DOCK2: variants seen among roughly 807,000 people sequenced by gnomAD.
DOCK2 encodes the protein dedicator of cytokinesis protein 2.
A neutral mutation model predicts 248.9 loss-of-function variants in DOCK2; 87 were observed. The ratio of observed to expected loss-of-function variants is 0.35; its 90% CI spans 0.29 to 0.42. The LOEUF is 0.42. Ranked by LOEUF, DOCK2 falls within the 10% of genes least tolerant of loss-of-function variation. The pLI is 1.00. For synonymous variants in DOCK2, 805 were observed against 821.6 expected (o/e 0.98, Z 0.35); for missense variants, 1,747 against 2,300.2 (o/e 0.76, Z 4.92).
intron 34 of DOCK2, among the ~76,000 whole-genome samples, chr5:170,029,320 G>A (rs547143123): frequency 6.6e-6 from 1 of 152,284 alleles, no homozygotes; most frequent in Admixed American, 6.5e-5. Context: ...GCATTTCCGC[G>A]ATGTGTAGAA....
At chr5:169,720,573 G>A (rs914422896) in intron 22 of DOCK2, among the ~76,000 whole-genome samples, 3 of 152,068 alleles carry the variant, frequency 2.0e-5, no homozygotes, top group African/African-American at 7.2e-5. Context: ...TAATCCTCAA[G>A]GGTTCTGAGC....
intron 27 of DOCK2, among the ~76,000 whole-genome samples, chr5:169,963,506 A>G (rs546039427): frequency 2.6e-5 from 4 of 151,992 alleles, no homozygotes; most frequent in African/African-American, 4.8e-5. Context: ...TCATTGTACA[A>G]TTGTGCATGT....
At chr5:169,906,159 C>T (rs190663951) in intron 27 of DOCK2, among the ~76,000 whole-genome samples, 5 of 152,264 alleles carry the variant, frequency 3.3e-5, no homozygotes, top group Non-Finnish European at 5.9e-5. Flanking sequence ...CCTCAATGAG[C>T]GATTACTACA....
chr5:169,883,471 A>G (rs1485750148), intron 27 of DOCK2: 7 of 1,551,504 alleles, frequency 4.5e-6, no homozygotes, highest in African/African-American at 1.4e-5. Flanking sequence ...AGAAGACACA[A>G]TGTCCTGTTC....
chr5:169,928,951 G>A (rs1775610975), intron 27 of DOCK2, among the ~76,000 whole-genome samples: 3 of 152,210 alleles, frequency 2.0e-5, no homozygotes, highest in South Asian at 4.1e-4. Flanking sequence ...TTATGCCAAA[G>A]CTTGCTTTGA....
intron 25 of DOCK2, among the ~76,000 whole-genome samples, chr5:169,780,079 C>T (rs1282109530): frequency 6.6e-6 from 1 of 152,146 alleles, no homozygotes; most frequent in Non-Finnish European, 1.5e-5. Flanking sequence ...TCATGTATTT[C>T]CCCTTCCACC....
intron 27 of DOCK2, among the ~76,000 whole-genome samples, chr5:169,846,106 G>T (rs1279881580): frequency 1.3e-5 from 2 of 152,100 alleles, no homozygotes; most frequent in African/African-American, 4.8e-5. Context: ...TTTTTGGTTA[G>T]TTTCCATTGC....
At chr5:169,852,379 G>A (rs545870324) in intron 27 of DOCK2, among the ~76,000 whole-genome samples, 2 of 152,302 alleles carry the variant, frequency 1.3e-5, no homozygotes, top group Admixed American at 6.5e-5. Flanking sequence ...TGCCATTTGG[G>A]CGTTGGCTGA....
intron 26 of DOCK2, among the ~76,000 whole-genome samples, chr5:169,823,030 T>C (rs1344782512): frequency 6.6e-6 from 1 of 152,122 alleles, no homozygotes; most frequent in East Asian, 1.9e-4. Flanking sequence ...AAGAAATGGA[T>C]AAATTCCTCC....
In DOCK2 at chr5:169,812,441, A is replaced by C. The variant is rs148435137; in HGVS notation, c.2703+9235A>C. 2.4e-3 allele frequency among the ~76,000 whole-genome samples: 362 copies of C among 152,322 alleles called. 4 individuals carry two copies. The highest frequency in any genetic ancestry group is 8.5e-3 in the African/African-American group (353 of 41,570). On this transcript the variant is annotated intron_variant, in intron 26 of 51. Coordinates refer to ENST00000520908, the MANE Select transcript of DOCK2 (RefSeq NM_004946.3). ...TGTAATTATTTCATTATGTATTACA[A>C]GGTAATATAATAATAGAAATAAAGT...
chr5:169,648,285 G>A (rs965120873), intron 1 of DOCK2, among the ~76,000 whole-genome samples: 2 of 152,072 alleles, frequency 1.3e-5, no homozygotes, highest in Admixed American at 6.5e-5. Context: ...TGACACCCCC[G>A]ACTCCCCTCC....
intron 5 of DOCK2, among the ~76,000 whole-genome samples, chr5:169,671,985 A>G (rs1054801784): frequency 7.2e-5 from 11 of 152,216 alleles, no homozygotes; most frequent in African/African-American, 1.7e-4. Context: ...CATCTCCACT[A>G]TACGCTGACC....
chr5:169,669,917 C>T (rs1382258779), intron 3 of DOCK2, among the ~76,000 whole-genome samples: 1 of 152,142 alleles, frequency 6.6e-6, no homozygotes, highest in Non-Finnish European at 1.5e-5. Context: ...TTAACTGAGC[C>T]AAATGTATGG....
In DOCK2 at chr5:169,684,300, T is replaced by C; in HGVS notation, c.711T>C (p.Asp237=). ...ACTTTGTGTGCAGAATTGGGGAAGA[T>C]GCTGAGCTCTTCATGTCTCTCTACG... The part of the protein sequence containing the change: ...VRNFVCRIGE[D]AELFMSLYDP... The change falls in exon 8 of 52, where the codon GAT becomes GAC. Residue 237 remains aspartate (D), a synonymous_variant. Coordinates refer to ENST00000520908, the MANE Select transcript of DOCK2 (RefSeq NM_004946.3). 2 of 1,614,188 alleles carry C rather than the reference T, an allele frequency of 1.2e-6. No individual in the cohort carries two copies. The highest frequency in any genetic ancestry group is 1.7e-6 in the Non-Finnish European group (2 of 1,180,008).
Position 169,732,655 on chromosome 5 carries a change from G to C in DOCK2, c.2267+13864G>C, listed in dbSNP as rs142673577. The stretch of plus-strand genomic sequence containing the variant: ...TACTCCACATATGGTCCACAGTCAA[G>C]TCTCAAACCTTTCTCCCTGAAACGT... On this transcript the variant is annotated intron_variant, in intron 22 of 51. Transcript: ENST00000520908. Among the ~76,000 whole-genome samples, 815 of 152,248 alleles carry C rather than the reference G, an allele frequency of 5.4e-3. 8 individuals are homozygous for C. Among genetic ancestry groups the C allele is most frequent in the South Asian group, 0.023 (112 of 4,822 alleles).
intron 44 of DOCK2, among the ~76,000 whole-genome samples, chr5:170,062,128 T>TGTGTGAGA (rs778077276): frequency 5.1e-5 from 7 of 137,836 alleles, no homozygotes; most frequent in Admixed American, 1.4e-4. Flanking sequence ...TGTGTGTGTG[T>TGTGTGAGA]GAGAGAGAGA....
Position 169,699,994 on chromosome 5 carries a change from G to A in DOCK2, c.1133-20G>A, listed in dbSNP as rs202243440. The A allele has an allele frequency of 3.9e-5, 63 of 1,612,632 alleles. 1 individual carries two copies. The South Asian group carries it at 4.9e-4, about 13-fold the overall frequency. The stretch of plus-strand genomic sequence containing the variant: ...TCACTTGCAAAAGTGGGCTCTTCAC[G>A]GTGAGCTGTTCCTTTGCAGGCCTCT... On this transcript the variant is annotated intron_variant, in intron 12 of 51. Transcript: ENST00000520908.
intron 25 of DOCK2, among the ~76,000 whole-genome samples, chr5:169,786,846 A>G (rs1284051528): frequency 6.6e-6 from 1 of 152,242 alleles, no homozygotes; most frequent in Non-Finnish European, 1.5e-5. Context: ...TATAATTTAC[A>G]TATAGAAAAA....
At chr5:169,904,383 CT>C (rs1382401326) in intron 27 of DOCK2, among the ~76,000 whole-genome samples, 19 of 152,188 alleles carry the variant, frequency 1.2e-4, no homozygotes, top group Non-Finnish European at 2.5e-4. Context: ...AACTTGTTCT[CT>C]CTAAATCACC....
Sources: gnomAD v4.1 joint callset for allele counts (sites outside exome capture counted in the v4.1 genomes callset) on GRCh38, gnomAD v4.1.1 for gene constraint, MANE v1.5 for transcripts, NCBI Gene and HGNC (gene_info 2026-07-23, HGNC 2026-07-21) for gene names.